COMMD1: variants seen among roughly 807,000 people sequenced by gnomAD.
COMMD1 encodes the protein COMM domain-containing protein 1.
Under a neutral mutation model 17.2 loss-of-function variants are expected in COMMD1, and 10 were observed. The ratio of observed to expected loss-of-function variants is 0.58; its 90% CI spans 0.36 to 0.99. COMMD1 has a LOEUF of 0.99. Among genes scored for constraint, COMMD1 ranks in the 50% least tolerant of loss-of-function variants. The pLI is 0.01. For missense variants in COMMD1, 270 were observed against 231.8 expected (o/e 1.17, Z -1.07); for synonymous variants, 97 against 91.6 (o/e 1.06, Z -0.34).
chr2:62,117,207 A>G (rs761307759), intron 2 of COMMD1, among the ~76,000 whole-genome samples: 19 of 152,160 alleles, frequency 1.2e-4, no homozygotes, highest in Non-Finnish European at 8.8e-5. Flanking sequence ...ACATGCACAT[A>G]TTAACTCAGC....
At chr2:62,098,744 A>G (rs778791733) in intron 2 of COMMD1, among the ~76,000 whole-genome samples, 23 of 152,224 alleles carry the variant, frequency 1.5e-4, no homozygotes, top group Non-Finnish European at 2.1e-4. Context: ...AGGCGATTGC[A>G]GAGCTCTCCA....
chr2:61,922,725 A>C (rs1460098926), intron 1 of COMMD1, among the ~76,000 whole-genome samples: 1 of 152,246 alleles, frequency 6.6e-6, no homozygotes, highest in Non-Finnish European at 1.5e-5. Context: ...AAGTAATTTC[A>C]CAGATGCTAT....
chr2:61,974,266 G>A (rs755327325), intron 1 of COMMD1, among the ~76,000 whole-genome samples: 8 of 152,192 alleles, frequency 5.3e-5, no homozygotes, highest in Non-Finnish European at 1.2e-4. Flanking sequence ...CTGGGCAACA[G>A]AGTGAGACTG....
chr2:61,975,064 A>G (rs1365537808), intron 1 of COMMD1, among the ~76,000 whole-genome samples: 2 of 135,198 alleles, frequency 1.5e-5, no homozygotes, highest in South Asian at 2.3e-4. Context: ...TCACTGAATT[A>G]TATGTATTTA....
chr2:62,093,432 A>G (rs1671900288), intron 2 of COMMD1, among the ~76,000 whole-genome samples: 1 of 152,218 alleles, frequency 6.6e-6, no homozygotes, highest in South Asian at 2.1e-4. Context: ...TTTTGTGAAT[A>G]AACTGAAGGA....
intron 2 of COMMD1, chr2:62,084,738 A>G (rs1313304446): frequency 6.6e-6 from 1 of 152,186 alleles, no homozygotes; most frequent in South Asian, 2.1e-4. Context: ...TAGTCTTAGT[A>G]GTATTCTTTT....
chr2:61,952,501 C>G (rs1443078876), intron 1 of COMMD1, among the ~76,000 whole-genome samples: 4 of 152,068 alleles, frequency 2.6e-5, no homozygotes, highest in African/African-American at 9.7e-5. Flanking sequence ...TGACTCTTGA[C>G]TCAGCTGGTC....
At chr2:61,892,746 C>G (rs1216867977) in intron 1 of COMMD1, among the ~76,000 whole-genome samples, 1 of 151,236 alleles carries the variant, frequency 6.6e-6, no homozygotes, top group Non-Finnish European at 1.5e-5. Flanking sequence ...TATCTTATCT[C>G]TCTTAGGTTT....
At chr2:62,097,980 T>C (rs1672058342) in intron 2 of COMMD1, among the ~76,000 whole-genome samples, 1 of 152,072 alleles carries the variant, frequency 6.6e-6, no homozygotes, top group Non-Finnish European at 1.5e-5. Context: ...CAAGCACCCG[T>C]TTAAGTTTTT....
chr2:61,974,846 T>C (rs563179749), intron 1 of COMMD1, among the ~76,000 whole-genome samples: 2 of 152,184 alleles, frequency 1.3e-5, no homozygotes, highest in South Asian at 4.2e-4. Flanking sequence ...TTAATTGCAA[T>C]TGATGACCCA....
chr2:61,978,793 G>A (rs1313718169), intron 1 of COMMD1, among the ~76,000 whole-genome samples: 1 of 152,118 alleles, frequency 6.6e-6, no homozygotes, highest in African/African-American at 2.4e-5. Flanking sequence ...AGACAAAGGG[G>A]AAGTTGTCAG....
intron 2 of COMMD1, among the ~76,000 whole-genome samples, chr2:62,078,239 CAAAAA>C (rs56320690): frequency 1.0e-4 from 2 of 19,866 alleles, no homozygotes; most frequent in Non-Finnish European, 1.9e-4. Context: ...CACACCAATG[CAAAAA>C]AAAAAAAAAA....
At position 62,135,976 on chromosome 2, in the gene COMMD1, C is replaced by A; in HGVS notation, c.*35C>A. The A allele has an allele frequency of 2.7e-6, 3 of 1,106,346 alleles. No individual in the cohort carries two copies. The highest frequency in any genetic ancestry group is 1.2e-5 in the South Asian group (1 of 81,260). 68.5% of individuals were successfully genotyped at this position (1,106,346 alleles called of 1,614,324 possible). A position where few individuals can be genotyped will look rare whatever the true frequency, so the allele number is the denominator to read the frequency against. Reference sequence around the variant, plus strand: ...ATGAAGGAGTTGGAGTTGTTGAAACCAAGGTGTCCATGATCCCTCCCCACT... The same window carrying A: ...ATGAAGGAGTTGGAGTTGTTGAAACAAAGGTGTCCATGATCCCTCCCCACT... On this transcript the variant is annotated 3_prime_UTR_variant, in exon 3 of 3. Coordinates refer to ENST00000311832, the MANE Select transcript of COMMD1 (RefSeq NM_152516.4).
chr2:61,998,036 A>G (rs971210687), intron 1 of COMMD1, among the ~76,000 whole-genome samples: 4 of 152,142 alleles, frequency 2.6e-5, no homozygotes, highest in African/African-American at 9.7e-5. Flanking sequence ...GTTAATGGAG[A>G]CAACTTCTTT....
At chr2:62,079,112 T>G (rs989200168) in intron 2 of COMMD1, among the ~76,000 whole-genome samples, 1 of 152,088 alleles carries the variant, frequency 6.6e-6, no homozygotes, top group Non-Finnish European at 1.5e-5. Flanking sequence ...AGGAAAGGGG[T>G]CCCGAACCAG....
chr2:61,935,770 T>C (rs986402240), intron 1 of COMMD1, among the ~76,000 whole-genome samples: 1 of 152,232 alleles, frequency 6.6e-6, no homozygotes, highest in Non-Finnish European at 1.5e-5. Context: ...TAATCATTTA[T>C]ATAAGTGCAG....
At chr2:61,894,920 A>G (rs1669522041) in intron 1 of COMMD1, among the ~76,000 whole-genome samples, 1 of 151,868 alleles carries the variant, frequency 6.6e-6, no homozygotes, top group African/African-American at 2.4e-5. Context: ...CTGGTCTCAA[A>G]CTCCTGACCT....
chr2:61,903,645 T>C (rs1166877334), upstream of COMMD1, among the ~76,000 whole-genome samples: 1 of 151,700 alleles, frequency 6.6e-6, no homozygotes, highest in Non-Finnish European at 1.5e-5. Flanking sequence ...CTCTGCTTCC[T>C]GAGTTCAAGC....
chr2:61,934,028 G>A (rs1475908452), intron 1 of COMMD1, among the ~76,000 whole-genome samples: 2 of 152,140 alleles, frequency 1.3e-5, no homozygotes, highest in African/African-American at 4.8e-5. Flanking sequence ...GCCTCTCAAA[G>A]TGCTGGGATT....
Sources: allele counts gnomAD v4.1 joint callset (sites outside exome capture counted in the v4.1 genomes callset), GRCh38; gene constraint gnomAD v4.1.1; transcripts MANE v1.5; gene names NCBI Gene and HGNC (gene_info 2026-07-23, HGNC 2026-07-21).